The following TGFB3 variants were observed in gnomAD, a reference collection of about 807,000 sequenced individuals.
TGFB3 encodes the protein transforming growth factor beta-3 proprotein.
A neutral mutation model predicts 40.1 loss-of-function variants in TGFB3; 5 were observed. The ratio of observed to expected loss-of-function variants is 0.12; its 90% confidence interval spans 0.07 to 0.26. TGFB3 has a LOEUF of 0.26. TGFB3 is among the 10% of genes least tolerant of loss of function. TGFB3 has a pLI of 1.00. For synonymous variants in TGFB3, 184 were observed against 205.6 expected (o/e 0.89, Z 0.90); for missense variants, 373 against 530.1 (o/e 0.70, Z 2.91).
At chr14:75,963,580 G>A in intron 4 of TGFB3, 93 bp from the exon 5 acceptor site, 2 of 1,483,974 alleles carry the variant, frequency 1.3e-6, no homozygotes, top group Non-Finnish European at 1.9e-6. Context: ...CTGCCCAGGA[G>A]GAGGGGCAGT....
chr14:75,970,563 AATAATAAT>A (rs1312999203), intron 3 of TGFB3: 175 of 5,338 alleles, frequency 0.033, no homozygotes, highest in Middle Eastern at 0.17. Context: ...AGTCTCAAGA[AATAATAAT>A]AATAATAATA....
intron 5 of TGFB3, among the ~76,000 whole-genome samples, chr14:75,962,062 C>A (rs2035164021): frequency 6.6e-6 from 1 of 152,148 alleles, no homozygotes; most frequent in Admixed American, 6.5e-5. Context: ...GTGCCTGAAG[C>A]CCTAGCAATC....
intron 1 of TGFB3, among the ~76,000 whole-genome samples, chr14:75,975,848 A>G (rs2035347947): frequency 6.6e-6 from 1 of 152,218 alleles, no homozygotes; most frequent in African/African-American, 2.4e-5. Flanking sequence ...GCCTCAGACA[A>G]TGACCCACTG....
intron 3 of TGFB3, among the ~76,000 whole-genome samples, chr14:75,969,693 T>A (rs1261548217): frequency 6.6e-6 from 1 of 152,150 alleles, no homozygotes; most frequent in Admixed American, 6.5e-5. Flanking sequence ...TAGCTCTACT[T>A]GCATGACGAC....
chr14:75,960,315 C>G (rs1048451715), intron 6 of TGFB3: 1 of 155,878 alleles, frequency 6.4e-6, no homozygotes, highest in Non-Finnish European at 1.4e-5. Context: ...GAAATGTTCT[C>G]ACAAAACATT....
upstream of TGFB3, among the ~76,000 whole-genome samples, chr14:75,982,506 G>T (rs1184017246): frequency 6.6e-6 from 1 of 152,220 alleles, no homozygotes; most frequent in Non-Finnish European, 1.5e-5. The surrounding 1 kb of genome is among the most constrained non-coding windows in gnomAD (Gnocchi z 4.0). Context: ...ATCCTGGCCC[G>T]ATTCTTCATT....
At chr14:75,962,681 C>A (rs994327548) in intron 5 of TGFB3, among the ~76,000 whole-genome samples, 4 of 152,220 alleles carry the variant, frequency 2.6e-5, no homozygotes, top group African/African-American at 9.6e-5. Flanking sequence ...ATCCTTCGGA[C>A]CCTCTCATGG....
In TGFB3 at chr14:75,958,851, C is replaced by CTTTA. The variant is rs1244370967; in HGVS notation, c.*332_*335dup. 1 of 372,800 alleles carries CTTTA rather than the reference C, an allele frequency of 2.7e-6. No homozygotes were observed. The highest frequency in any genetic ancestry group is 5.2e-6 in the Non-Finnish European group (1 of 192,850). 23.1% of individuals were successfully genotyped at this position (372,800 alleles called of 1,614,324 possible). On this transcript the variant is annotated 3_prime_UTR_variant, in exon 7 of 7. Coordinates refer to ENST00000238682, the MANE Select transcript of TGFB3 (RefSeq NM_003239.5). ...AGCCATTCTCTGCCCTTCCTTCTCC[C>CTTTA]TTTAGGGTAGCCCAAATCCCATTGC...
chr14:75,963,297 C>A lies in TGFB3; in HGVS notation c.926+19G>T. 1 of 1,613,886 alleles carries A rather than the reference C, an allele frequency of 6.2e-7. No homozygotes were observed. Among genetic ancestry groups the A allele is most frequent in the Non-Finnish European group, 8.5e-7 (1 of 1,179,932 alleles). On this transcript the variant is annotated intron_variant, in intron 5 of 6. Coordinates refer to ENST00000238682, the MANE Select transcript of TGFB3 (RefSeq NM_003239.5). ...TAGGCAGGCAGTAGATGTTGGTTCCCATGTGGGCCCAGTCTCACCGGAAGC... is the reference window on the plus strand; with the variant it reads ...TAGGCAGGCAGTAGATGTTGGTTCCAATGTGGGCCCAGTCTCACCGGAAGC...
chr14:75,970,025 G>A (rs1171611313), intron 3 of TGFB3, among the ~76,000 whole-genome samples: 2 of 152,186 alleles, frequency 1.3e-5, no homozygotes, highest in African/African-American at 4.8e-5. Flanking sequence ...TTTTAAAGAT[G>A]TCAATCAAAT....
chr14:75,979,881 C>T lies in TGFB3; in HGVS notation c.352+661G>A, dbSNP rs751480960. 6.6e-6 allele frequency among the ~76,000 whole-genome samples: 1 copy of T among 152,170 alleles called. No homozygotes were observed. The highest frequency in any genetic ancestry group is 1.5e-5 in the Non-Finnish European group (1 of 68,036). On this transcript the variant is annotated intron_variant, in intron 1 of 6. Transcript: ENST00000238682. This position sits in a 1 kb window ranked among gnomAD's most constrained non-coding sequence, Gnocchi z 4.8. Reference sequence around the variant, plus strand: ...CTACTGCACAAGACTGCATGTCACCCTAAAGTACACGGCCCTGGGAACATT... The same window carrying T: ...CTACTGCACAAGACTGCATGTCACCTTAAAGTACACGGCCCTGGGAACATT...
rs3917187 is a variant in TGFB3, at chr14:75,965,793, T to C, written c.647-98A>G. 702,433 of 970,456 alleles carry C rather than the reference T, an allele frequency of 0.72. 259,072 individuals are homozygous for C. Among genetic ancestry groups the C allele is most frequent in the Non-Finnish European group, 0.76 (461,664 of 603,508 alleles). The allele number at this position is 970,456 out of a possible 1,614,324, so 60.1% of individuals were successfully genotyped here. A position where few individuals can be genotyped will look rare whatever the true frequency, so the allele number is the denominator to read the frequency against. ...GGGTGAGCCAGGGCCTCTGCTCCTA[T>C]AGGGACTCATAGGAACTGAGTTCTA... is the stretch of plus-strand genomic sequence containing the variant. On this transcript the variant is annotated intron_variant, in intron 3 of 6. Coordinates refer to ENST00000238682, the MANE Select transcript of TGFB3 (RefSeq NM_003239.5).
chr14:75,982,828 C>G (rs1038818927), upstream of TGFB3: 1 of 152,486 alleles, frequency 6.6e-6, no homozygotes, highest in African/African-American at 2.4e-5. The surrounding 1 kb of genome is among the most constrained non-coding windows in gnomAD (Gnocchi z 4.0). Context: ...GAGCCGCTCT[C>G]GCAGAAATGT....
At position 75,970,937 on chromosome 14, in the gene TGFB3, C is replaced by T. The variant is rs545766119; in HGVS notation, c.646+189G>A. On this transcript the variant is annotated intron_variant, in intron 3 of 6. Coordinates refer to ENST00000238682, the MANE Select transcript of TGFB3 (RefSeq NM_003239.5). ...GTTCCTATCCCTGTGGCTGCATCCC[C>T]AGGGCCTGTCTTACAGTGAGCATTT... 95 of 761,604 alleles carry T rather than the reference C, an allele frequency of 1.2e-4. 1 individual carries two copies. In the East Asian group the frequency reaches 2.6e-3, roughly 21 times the overall value. 47.2% of individuals were successfully genotyped at this position (761,604 alleles called of 1,614,324 possible).
chr14:75,981,320 T>C lies in TGFB3; in HGVS notation c.-427A>G, dbSNP rs535351126. The C allele has an allele frequency of 4.8e-6, 1 of 207,758 alleles. No homozygotes were observed. Among genetic ancestry groups the C allele is most frequent in the East Asian group, 1.1e-4 (1 of 8,866 alleles). The allele number at this position is 207,758 out of a possible 1,614,324, so 12.9% of individuals were successfully genotyped here. A position where few individuals can be genotyped will look rare whatever the true frequency, so the allele number is the denominator to read the frequency against. On this transcript the variant is annotated 5_prime_UTR_variant, in exon 1 of 7. Coordinates refer to ENST00000238682, the MANE Select transcript of TGFB3 (RefSeq NM_003239.5). The surrounding 1 kb of genome is among the most constrained non-coding windows in gnomAD (Gnocchi z 4.7). ...CTTGGCGATGGGGAGAAAGTGGGTA[T>C]TTTAAAGAAGAAGCAGAAGGACCAT...
intron 1 of TGFB3, among the ~76,000 whole-genome samples, chr14:75,973,305 A>G (rs1020609827): frequency 7.9e-5 from 12 of 152,256 alleles, no homozygotes; most frequent in African/African-American, 2.9e-4. Context: ...ACTGATCTTC[A>G]GGAAAGGATG....
chr14:75,979,255 G>A lies in TGFB3; in HGVS notation c.352+1287C>T, dbSNP rs1353433313. Among the ~76,000 whole-genome samples, 1 of 152,142 alleles carries A rather than the reference G, an allele frequency of 6.6e-6. No individual in the cohort carries two copies. The highest frequency in any genetic ancestry group is 1.5e-5 in the Non-Finnish European group (1 of 68,020). ...CGGGGCCTTTGCACCTCCAGCCAGA[G>A]CTGGTCCACCCATCGGTACCCACTC... is the stretch of plus-strand genomic sequence containing the variant. On this transcript the variant is annotated intron_variant, in intron 1 of 6. Transcript: ENST00000238682. This position sits in a 1 kb window ranked among gnomAD's most constrained non-coding sequence, Gnocchi z 4.8.
At chr14:75,964,171 C>A (rs905198807) in intron 4 of TGFB3, among the ~76,000 whole-genome samples, 3 of 152,174 alleles carry the variant, frequency 2.0e-5, no homozygotes, top group Admixed American at 6.5e-5. Flanking sequence ...CCACTGCACC[C>A]AGCCCTGGAT....
Position 75,981,021 on chromosome 14 carries a change from A to T in TGFB3, c.-128T>A. 2 of 836,680 alleles carry T rather than the reference A, an allele frequency of 2.4e-6. No homozygotes were observed. Among genetic ancestry groups the T allele is most frequent in the Non-Finnish European group, 4.0e-6 (2 of 502,846 alleles). 51.8% of individuals were successfully genotyped at this position (836,680 alleles called of 1,614,324 possible). On this transcript the variant is annotated 5_prime_UTR_variant, in exon 1 of 7. Coordinates refer to ENST00000238682, the MANE Select transcript of TGFB3 (RefSeq NM_003239.5). This position sits in a 1 kb window ranked among gnomAD's most constrained non-coding sequence, Gnocchi z 4.7. The stretch of plus-strand genomic sequence containing the variant: ...ATCCCAAAGACTGAGGCTTGGCAAG[A>T]AGGTGCATGAACTCACTGCACTGCG...
Sources: gnomAD v4.1 joint callset for allele counts (sites outside exome capture counted in the v4.1 genomes callset) on GRCh38, gnomAD v4.1.1 for gene constraint, Gnocchi (gnomAD v3.1) non-coding constraint, MANE v1.5 for transcripts, NCBI Gene and HGNC (gene_info 2026-07-23, HGNC 2026-07-21) for gene names.